The following DMD variants were observed in gnomAD, a reference collection of about 807,000 sequenced individuals.
The protein encoded by DMD is dystrophin.
Under a neutral mutation model 330.1 loss-of-function variants are expected in DMD, and 63 were observed. The ratio of observed to expected loss-of-function variants is 0.19; its 90% confidence interval spans 0.16 to 0.24. The LOEUF is 0.24. Among genes scored for constraint, DMD ranks in the 10% least tolerant of loss-of-function variants. The pLI is 1.00. For synonymous variants in DMD, 1,223 were observed against 959.8 expected (o/e 1.27, Z -5.07); for missense variants, 3,344 against 2,684.1 (o/e 1.25, Z -5.43).
chrX:31,813,094 C>T (rs1385611249), intron 50 of DMD, among the ~76,000 whole-genome samples: 1 of 111,626 alleles, frequency 9.0e-6, no homozygotes, highest in Non-Finnish European at 1.9e-5. Context: ...CTGAAGAGGA[C>T]TGAAATCAAA....
At chrX:32,942,661 C>T (rs756716557) in intron 2 of DMD, among the ~76,000 whole-genome samples, 1 of 112,123 alleles carries the variant, frequency 8.9e-6, no homozygotes. Context: ...AAGCCCAACA[C>T]GGTAATAGAC....
intron 7 of DMD, among the ~76,000 whole-genome samples, chrX:32,708,406 G>A (rs898220364): frequency 3.6e-5 from 4 of 110,669 alleles, no homozygotes; most frequent in African/African-American, 1.3e-4. Flanking sequence ...GTAAGGGACT[G>A]TGGTAAAATT....
chrX:33,222,076 C>T (rs746548342), intron 1 of DMD, among the ~76,000 whole-genome samples: 1 of 111,487 alleles, frequency 9.0e-6, no homozygotes, highest in African/African-American at 3.2e-5. Context: ...CAGCAATAGC[C>T]TGATACCCAA....
At chrX:33,012,142 G>A (rs2093713594) in intron 2 of DMD, among the ~76,000 whole-genome samples, 1 of 111,691 alleles carries the variant, frequency 9.0e-6, no homozygotes, top group African/African-American at 3.2e-5. Context: ...AAAACAGTGA[G>A]ACCTATCACA....
rs150252715 is a variant in DMD at position 32,937,027 on chromosome X, G to A, written c.93+83112C>T. Among the ~76,000 whole-genome samples, 36 of 111,350 alleles carry A rather than the reference G, an allele frequency of 3.2e-4. No individual in the cohort carries two copies. In the East Asian group the frequency reaches 8.8e-3, roughly 27 times the overall value. ...CCCACATTAACTCAATCAGAGTCCCGGTAGAAACTGGAGGATTGATTTCTC... is the reference window on the plus strand; with the variant it reads ...CCCACATTAACTCAATCAGAGTCCCAGTAGAAACTGGAGGATTGATTTCTC... On this transcript the variant is annotated intron_variant, in intron 2 of 78. Transcript: ENST00000357033.
intron 21 of DMD, 31 bp downstream of exon 21, chrX:32,484,888 T>A (rs1384712560): frequency 1.3e-5 from 16 of 1,192,686 alleles, no homozygotes; most frequent in African/African-American, 1.8e-5. Context: ...TTGGAAAATG[T>A]CAAGTTAGCC....
chrX:32,958,873 C>T (rs1026897279), intron 2 of DMD, among the ~76,000 whole-genome samples: 1 of 110,228 alleles, frequency 9.1e-6, no homozygotes, highest in Non-Finnish European at 1.9e-5. Flanking sequence ...TACCAACCTG[C>T]TATTTAGGAG....
intron 12 of DMD, among the ~76,000 whole-genome samples, chrX:32,607,261 C>T (rs1415491441): frequency 1.8e-5 from 2 of 110,336 alleles, no homozygotes; most frequent in Admixed American, 9.7e-5. Flanking sequence ...TCATTTCTGA[C>T]GTATTCACAT....
chrX:32,173,197 G>A (rs1044781849), intron 44 of DMD, among the ~76,000 whole-genome samples: 3 of 107,423 alleles, frequency 2.8e-5, no homozygotes, highest in African/African-American at 6.8e-5. Flanking sequence ...CAAAGAGGTC[G>A]TTGGAGAAAA....
intron 7 of DMD, among the ~76,000 whole-genome samples, chrX:32,789,965 A>G (rs967960363): frequency 1.8e-5 from 2 of 112,238 alleles, no homozygotes; most frequent in Admixed American, 9.5e-5. Context: ...ACTGGTTTCA[A>G]CCACCTTATT....
intron 61 of DMD, among the ~76,000 whole-genome samples, chrX:31,340,508 T>G (rs1278901711): frequency 8.9e-6 from 1 of 112,726 alleles, no homozygotes; most frequent in East Asian, 2.8e-4. Flanking sequence ...TTTTCCATTT[T>G]TCCTTTATGT....
At position 31,774,069 on chromosome X, in the gene DMD, G is replaced by A. The variant is rs889319082; in HGVS notation, c.7433C>T (p.Ala2478Val). 8.3e-7 allele frequency: 1 copy of A among 1,210,661 alleles called. No homozygotes were observed. Among genetic ancestry groups the A allele is most frequent in the Non-Finnish European group, 1.1e-6 (1 of 895,108 alleles). Residue 2478 changes from alanine (A) to valine (V), a missense_variant, in exon 51 of 79, where the codon GCT becomes GTT. By Grantham distance (64) the Ala-to-Val change is moderately conservative (BLOSUM62 0). Coordinates refer to ENST00000357033, the MANE Select transcript of DMD (RefSeq NM_004006.3). ...AAGCCAGTCGGTAAGTTCTGTCCAA[G>A]CCCGGTTGAAATCTGCCAGAGCAGG... Reference protein sequence around the residue: ...EVPALADFNRAWTELTDWLSL... With the variant: ...EVPALADFNRVWTELTDWLSL...
At chrX:32,564,106 G>A (rs2051395125) in intron 16 of DMD, among the ~76,000 whole-genome samples, 1 of 111,196 alleles carries the variant, frequency 9.0e-6, no homozygotes, top group Non-Finnish European at 1.9e-5. Context: ...AGATTTTTAG[G>A]TCCTTATCAC....
intron 55 of DMD, among the ~76,000 whole-genome samples, chrX:31,527,854 GA>G (rs1009026035): frequency 3.6e-5 from 4 of 111,441 alleles, no homozygotes; most frequent in African/African-American, 9.8e-5. Flanking sequence ...ATCTGTCCTC[GA>G]AGCCAAGTCT....
intron 2 of DMD, among the ~76,000 whole-genome samples, chrX:32,984,488 C>T (rs1194841014): frequency 8.9e-6 from 1 of 111,751 alleles, no homozygotes; most frequent in Non-Finnish European, 1.9e-5. Flanking sequence ...CTCTTGACCT[C>T]AGGTGATCCA....
chrX:32,019,176 G>A (rs1172306012), intron 44 of DMD, among the ~76,000 whole-genome samples: 1 of 107,827 alleles, frequency 9.3e-6, no homozygotes, highest in Non-Finnish European at 1.9e-5. Context: ...CTTGTGATGA[G>A]AAAGCACATA....
intron 44 of DMD, among the ~76,000 whole-genome samples, chrX:32,082,838 G>A (rs2096404027): frequency 8.9e-6 from 1 of 111,928 alleles, no homozygotes; most frequent in South Asian, 3.8e-4. Context: ...CTACATGTGT[G>A]ATGAAAGCTT....
chrX:32,207,277 TG>T (rs952539580), intron 44 of DMD, among the ~76,000 whole-genome samples: 5 of 110,962 alleles, frequency 4.5e-5, no homozygotes, highest in African/African-American at 1.6e-4. Flanking sequence ...CGAGTGGGTT[TG>T]GTTCCCTTAT....
intron 4 of DMD, among the ~76,000 whole-genome samples, chrX:32,835,234 G>A (rs1053291684): frequency 8.9e-6 from 1 of 111,827 alleles, no homozygotes; most frequent in Non-Finnish European, 1.9e-5. Context: ...AAACAAAAGT[G>A]GGACAGGGCA....
Sources: gnomAD v4.1 joint callset for allele counts (sites outside exome capture counted in the v4.1 genomes callset) on GRCh38, gnomAD v4.1.1 for gene constraint, MANE v1.5 for transcripts, NCBI Gene and HGNC (gene_info 2026-07-23, HGNC 2026-07-21) for gene names.